Variants in CD164 observed in about 807,000 individuals in gnomAD.
CD164 encodes the protein CD164 molecule, also known as sialomucin core protein 24.
Under a neutral mutation model 24.6 loss-of-function variants are expected in CD164, and 11 were observed. That is an observed-to-expected ratio of 0.45 (90% confidence interval 0.28 to 0.74). The LOEUF is 0.74. Ranked by LOEUF, CD164 falls within the 30% of genes least tolerant of loss-of-function variation. The pLI, the probability that CD164 is intolerant of heterozygous loss-of-function variation, is 0.13. For missense variants in CD164, 295 were observed against 243.7 expected, an observed-to-expected ratio of 1.21 and a Z score of -1.40; for synonymous variants, 126 against 100.3, an observed-to-expected ratio of 1.26 and a Z score of -1.53.
chr6:109,381,723 C>T (rs946706862), intron 1 of CD164: 6 of 601,926 alleles, frequency 1.0e-5, no homozygotes, highest in Non-Finnish European at 1.8e-5. Context: ...CTTTAAGTTT[C>T]TCTTTCCCGG....
rs2275651 is a variant in CD164 at position 109,379,853 on chromosome 6, T to G, written c.176-191A>C. 0.038 allele frequency: 19,853 copies of G among 519,970 alleles called. 710 individuals carry two copies. Among genetic ancestry groups the G allele is most frequent in the East Asian group, 0.16 (4,626 of 29,396 alleles). The allele number at this position is 519,970 out of a possible 1,614,324, so 32.2% of individuals were successfully genotyped here. On this transcript the variant is annotated intron_variant, in intron 1 of 5. Coordinates refer to ENST00000310786, the MANE Select transcript of CD164 (RefSeq NM_006016.6). The stretch of plus-strand genomic sequence containing the variant: ...ATTACAAAGCTGTAAGTAAACGCAT[T>G]AGAAAAACAAGCTAGTGGTCACTCT...
At position 109,382,337 on chromosome 6, in the gene CD164, G is replaced by C; in HGVS notation, c.42C>G (p.Cys14Trp). 6.4e-7 allele frequency: 1 copy of C among 1,566,212 alleles called. No homozygotes were observed. The highest frequency in any genetic ancestry group is 8.6e-7 in the Non-Finnish European group (1 of 1,161,126). The change falls in exon 1 of 6, where the codon TGC becomes TGG. Residue 14 changes from cysteine to tryptophan, a missense_variant. Physicochemically the swap from Cys to Trp is radical, Grantham distance 215. Coordinates refer to ENST00000310786, the MANE Select transcript of CD164 (RefSeq NM_006016.6). ...CGGACAGCACGCAGAGCACGCCCAGGCAGGTGGCGGCCCAAAGCAGTGAGC... is the reference window on the plus strand; with the variant it reads ...CGGACAGCACGCAGAGCACGCCCAGCCAGGTGGCGGCCCAAAGCAGTGAGC... ...LSRSLLWAAT[C>W]LGVLCVLSAD...
At chr6:109,375,939 G>A (rs904519039) in intron 4 of CD164, 135 bp downstream of exon 4, 2 of 656,874 alleles carry the variant, frequency 3.0e-6, no homozygotes, top group South Asian at 3.8e-5. Context: ...GTTAATTGCT[G>A]TGGTCCAAGA....
rs1401015103 is a variant in CD164 at position 109,366,617 on chromosome 6, A to T, written c.*2234T>A. ...TGAAATAGAAATGTCTAAATACAGC[A>T]GTATCTGCCTGTGCAACAAATATCT... On this transcript the variant is annotated 3_prime_UTR_variant, in exon 6 of 6. Coordinates refer to ENST00000310786, the MANE Select transcript of CD164 (RefSeq NM_006016.6). The T allele has an allele frequency of 2.0e-5, 3 of 152,652 alleles. No homozygotes were observed. The highest frequency in any genetic ancestry group is 7.2e-5 in the African/African-American group (3 of 41,464). The allele number at this position is 152,652 out of a possible 1,614,324, so 9.5% of individuals were successfully genotyped here. A position where few individuals can be genotyped will look rare whatever the true frequency, so the allele number is the denominator to read the frequency against.
At chr6:109,374,760 C>T (rs1162820183) in intron 4 of CD164, among the ~76,000 whole-genome samples, 3 of 152,124 alleles carry the variant, frequency 2.0e-5, no homozygotes, top group Non-Finnish European at 2.9e-5. Context: ...TTGAACTCAC[C>T]GTACTACTTC....
rs1289007381 is a variant in CD164 at position 109,368,407 on chromosome 6, A to G, written c.*444T>C. The G allele has an allele frequency of 2.1e-6, 3 of 1,436,070 alleles. No homozygotes were observed. The highest frequency in any genetic ancestry group is 1.5e-5 in the African/African-American group (1 of 67,764). The allele number at this position is 1,436,070 out of a possible 1,614,324, so 89.0% of individuals were successfully genotyped here. A position where few individuals can be genotyped will look rare whatever the true frequency, so the allele number is the denominator to read the frequency against. On this transcript the variant is annotated 3_prime_UTR_variant, in exon 6 of 6. Transcript: ENST00000310786. The stretch of plus-strand genomic sequence containing the variant: ...TTAGTACTACTAAATTAATAAATTT[A>G]TTCCACTTTTGAAATGACAGCCAAA...
intron 2 of CD164, 90 bp from the exon 3 acceptor site, chr6:109,378,061 C>T (rs1175513016): frequency 5.3e-6 from 6 of 1,127,464 alleles, no homozygotes; most frequent in Non-Finnish European, 6.6e-6. Context: ...TGAAATCAAA[C>T]CCAAACACTT....
chr6:109,374,989 C>G (rs1771312896), intron 4 of CD164, among the ~76,000 whole-genome samples: 1 of 152,184 alleles, frequency 6.6e-6, no homozygotes. Context: ...TAGTACTTGT[C>G]TTGGAATAGA....
intron 2 of CD164, among the ~76,000 whole-genome samples, chr6:109,378,914 G>C (rs978324500): frequency 3.3e-5 from 5 of 149,800 alleles, no homozygotes; most frequent in African/African-American, 9.8e-5. Flanking sequence ...AAAACAACTA[G>C]ATTGTTTTAC....
intron 2 of CD164, 32 bp downstream of exon 2, chr6:109,379,547 C>T (rs2115169217): frequency 6.9e-7 from 1 of 1,458,002 alleles, no homozygotes; most frequent in Non-Finnish European, 9.5e-7. Flanking sequence ...AATGCTATAA[C>T]AAAACAGTTT....
In CD164 at chr6:109,368,567, A is replaced by G. The variant is rs773978983; in HGVS notation, c.*284T>C. ...CATTTTCCATCACTTTCAGAAAGTT[A>G]TATTTGGCATGTTAAGGAAAAAAAA... On this transcript the variant is annotated 3_prime_UTR_variant, in exon 6 of 6. Coordinates refer to ENST00000310786, the MANE Select transcript of CD164 (RefSeq NM_006016.6). 43 of 1,336,444 alleles carry G rather than the reference A, an allele frequency of 3.2e-5. No individual in the cohort carries two copies. The highest frequency in any genetic ancestry group is 2.2e-4 in the Admixed American group (6 of 26,910). The allele number at this position is 1,336,444 out of a possible 1,614,324, so 82.8% of individuals were successfully genotyped here. A position where few individuals can be genotyped will look rare whatever the true frequency, so the allele number is the denominator to read the frequency against.
chr6:109,373,474 G>A (rs1020647414), intron 4 of CD164, among the ~76,000 whole-genome samples: 6 of 152,138 alleles, frequency 3.9e-5, no homozygotes, highest in African/African-American at 1.2e-4. Context: ...TGCATTTTCT[G>A]CAGATAAGCC....
chr6:109,368,725 T>G lies in CD164; in HGVS notation c.*126A>C, dbSNP rs1582465465. 3 of 1,436,926 alleles carry G rather than the reference T, an allele frequency of 2.1e-6. No individual in the cohort carries two copies. Among genetic ancestry groups the G allele is most frequent in the Non-Finnish European group, 2.7e-6 (3 of 1,099,774 alleles). 89.0% of individuals were successfully genotyped at this position (1,436,926 alleles called of 1,614,324 possible). A position where few individuals can be genotyped will look rare whatever the true frequency, so the allele number is the denominator to read the frequency against. On this transcript the variant is annotated 3_prime_UTR_variant, in exon 6 of 6. Coordinates refer to ENST00000310786, the MANE Select transcript of CD164 (RefSeq NM_006016.6). ...GGATGATGCTCCCAAACATCCTATATGCATCCATGGAAATTTAAAGATCCT... is the reference window on the plus strand; with the variant it reads ...GGATGATGCTCCCAAACATCCTATAGGCATCCATGGAAATTTAAAGATCCT...
In CD164 at chr6:109,366,885, C is replaced by G. The variant is rs1287708971; in HGVS notation, c.*1966G>C. 1 of 152,174 alleles carries G rather than the reference C, an allele frequency of 6.6e-6. No individual in the cohort carries two copies. Among genetic ancestry groups the G allele is most frequent in the Non-Finnish European group, 1.5e-5 (1 of 68,016 alleles). 9.4% of individuals were successfully genotyped at this position (152,174 alleles called of 1,614,324 possible). A position where few individuals can be genotyped will look rare whatever the true frequency, so the allele number is the denominator to read the frequency against. ...TTATGCTTGTTGTTAGAGCAGTGCT[C>G]AAAATTACAGAAGCTTCAAATTGTT... On this transcript the variant is annotated 3_prime_UTR_variant, in exon 6 of 6. Transcript: ENST00000310786.
chr6:109,368,694 C>T lies in CD164; in HGVS notation c.*157G>A. The T allele has an allele frequency of 1.4e-6, 2 of 1,382,932 alleles. No individual in the cohort carries two copies. Among genetic ancestry groups the T allele is most frequent in the African/African-American group, 1.5e-5 (1 of 67,446 alleles). 85.7% of individuals were successfully genotyped at this position (1,382,932 alleles called of 1,614,324 possible). A position where few individuals can be genotyped will look rare whatever the true frequency, so the allele number is the denominator to read the frequency against. ...AACACAATGATTTAATTGATTTTTT[C>T]TTCACGGATGATGCTCCCAAACATC... On this transcript the variant is annotated 3_prime_UTR_variant, in exon 6 of 6. Transcript: ENST00000310786.
intron 4 of CD164, 176 bp downstream of exon 4, chr6:109,375,898 T>C (rs547708272): frequency 3.6e-4 from 202 of 564,760 alleles, no homozygotes; most frequent in Middle Eastern, 1.4e-3. Context: ...ACTGGAGCTA[T>C]GTGTCACTGT....
At chr6:109,379,093 C>G (rs1223133428) in intron 2 of CD164, among the ~76,000 whole-genome samples, 2 of 152,170 alleles carry the variant, frequency 1.3e-5, no homozygotes, top group South Asian at 2.1e-4. Flanking sequence ...TTCTCTACAC[C>G]TAAGCATCCA....
chr6:109,367,148 C>T lies in CD164; in HGVS notation c.*1703G>A, dbSNP rs954180679. ...TGGAAACAAAAAATGTGAGGTAAACCGACCTTTCCCCAAGAAACTTTGAAG... is the reference window on the plus strand; with the variant it reads ...TGGAAACAAAAAATGTGAGGTAAACTGACCTTTCCCCAAGAAACTTTGAAG... On this transcript the variant is annotated 3_prime_UTR_variant, in exon 6 of 6. Transcript: ENST00000310786. 4 of 152,502 alleles carry T rather than the reference C, an allele frequency of 2.6e-5. No individual in the cohort carries two copies. Among genetic ancestry groups the T allele is most frequent in the African/African-American group, 4.8e-5 (2 of 41,426 alleles). 9.4% of individuals were successfully genotyped at this position (152,502 alleles called of 1,614,324 possible).
chr6:109,371,640 C>G (rs1771080014), intron 4 of CD164: 1 of 153,740 alleles, frequency 6.5e-6, no homozygotes, highest in African/African-American at 2.4e-5. Flanking sequence ...AATATAGTTT[C>G]TACAAATTAA....
Sources: allele counts gnomAD v4.1 joint callset (sites outside exome capture counted in the v4.1 genomes callset), GRCh38; gene constraint gnomAD v4.1.1; transcripts MANE v1.5; gene names NCBI Gene and HGNC (gene_info 2026-07-23, HGNC 2026-07-21).